ZCCHC7: variants seen among roughly 807,000 people sequenced by gnomAD.
The protein encoded by ZCCHC7 is zinc finger CCHC domain-containing protein 7.
A neutral mutation model predicts 52.0 loss-of-function variants in ZCCHC7; 35 were observed. The ratio of observed to expected loss-of-function variants is 0.67; its 90% CI spans 0.51 to 0.89. The LOEUF is 0.89. Ranked by LOEUF, ZCCHC7 falls within the 40% of genes least tolerant of loss-of-function variation. The pLI, the probability that ZCCHC7 is intolerant of heterozygous loss-of-function variation, is 0.00. For synonymous variants in ZCCHC7, 217 were observed against 221.5 expected (o/e 0.98, Z 0.18); for missense variants, 574 against 649.1 (o/e 0.88, Z 1.26).
At chr9:37,127,516 C>T (rs1346827209) in intron 2 of ZCCHC7, among the ~76,000 whole-genome samples, 1 of 152,174 alleles carries the variant, frequency 6.6e-6, no homozygotes, top group African/African-American at 2.4e-5. Context: ...TTGATAGCTA[C>T]ATCATCAAGG....
chr9:37,331,903 A>G (rs1272014748), intron 6 of ZCCHC7, among the ~76,000 whole-genome samples: 2 of 151,550 alleles, frequency 1.3e-5, no homozygotes, highest in East Asian at 1.9e-4. Flanking sequence ...AACTGGTTAC[A>G]TACTGTCTTG....
chr9:37,325,894 T>C (rs948872489), intron 5 of ZCCHC7: 16 of 152,200 alleles, frequency 1.1e-4, no homozygotes, highest in African/African-American at 3.6e-4. Context: ...ATCATCTTCA[T>C]GTACAGAGCA....
chr9:37,279,298 A>G (rs1046730270), intron 2 of ZCCHC7, among the ~76,000 whole-genome samples: 2 of 152,140 alleles, frequency 1.3e-5, no homozygotes, highest in African/African-American at 4.8e-5. Flanking sequence ...GCAGGTAAAT[A>G]GAATCATTTG....
chr9:37,186,637 AT>A, intron 2 of ZCCHC7: 2 of 507,522 alleles, frequency 3.9e-6, no homozygotes. Flanking sequence ...GCTGAGTATC[AT>A]GTACTTTCCT....
intron 2 of ZCCHC7, among the ~76,000 whole-genome samples, chr9:37,132,106 C>T (rs1842810568): frequency 6.6e-6 from 1 of 151,868 alleles, no homozygotes; most frequent in Non-Finnish European, 1.5e-5. Flanking sequence ...TTAATTATCC[C>T]CAGCAGGAGT....
intron 2 of ZCCHC7, among the ~76,000 whole-genome samples, chr9:37,149,153 G>A (rs951090500): frequency 1.3e-5 from 2 of 152,068 alleles, no homozygotes; most frequent in Non-Finnish European, 1.5e-5. Flanking sequence ...TTATAGTTTT[G>A]TAATAGCTTA....
intron 2 of ZCCHC7, among the ~76,000 whole-genome samples, chr9:37,191,017 C>A (rs1324728138): frequency 6.8e-6 from 1 of 147,202 alleles, no homozygotes; most frequent in African/African-American, 2.6e-5. Flanking sequence ...AGCAAAACTC[C>A]GTCTCAAAAA....
In ZCCHC7 at chr9:37,262,676, A is replaced by G. The variant is rs371476118; in HGVS notation, c.611-39512A>G. On this transcript the variant is annotated intron_variant, in intron 2 of 8. Transcript: ENST00000336755. ...ATCATACATTTTGCCAAATAAATGG[A>G]TGTTTTAATCATCTTTGATCTTAAC... is the stretch of plus-strand genomic sequence containing the variant. 2.6e-5 allele frequency among the ~76,000 whole-genome samples: 4 copies of G among 152,322 alleles called. No individual in the cohort carries two copies. In the East Asian group the frequency reaches 7.7e-4, roughly 29 times the overall value.
intron 2 of ZCCHC7, among the ~76,000 whole-genome samples, chr9:37,164,518 ACT>A (rs1258311288): frequency 6.6e-6 from 1 of 151,578 alleles, no homozygotes; most frequent in South Asian, 2.1e-4. Flanking sequence ...AGATAGATAG[ACT>A]CTGTCTCAGA....
At chr9:37,209,937 G>GT (rs920708674) in intron 2 of ZCCHC7, among the ~76,000 whole-genome samples, 47 of 151,466 alleles carry the variant, frequency 3.1e-4, no homozygotes, top group Non-Finnish European at 5.8e-4. Context: ...ACCAAGGACA[G>GT]TTTTTTTTTC....
intron 2 of ZCCHC7, among the ~76,000 whole-genome samples, chr9:37,164,336 T>C (rs915826839): frequency 6.6e-6 from 1 of 152,024 alleles, no homozygotes; most frequent in Admixed American, 6.6e-5. Context: ...TCCCAGCTCC[T>C]TGGGAGGCTG....
intron 2 of ZCCHC7, among the ~76,000 whole-genome samples, chr9:37,145,602 G>T (rs76558813): frequency 0.051 from 7,709 of 151,920 alleles, 643 homozygotes; most frequent in African/African-American, 0.17. Context: ...AAAGGAGGCA[G>T]CCTAAAAGTT....
At chr9:37,187,177 C>G (rs1251317659) in intron 2 of ZCCHC7, 1 of 152,264 alleles carries the variant, frequency 6.6e-6, no homozygotes, top group South Asian at 2.1e-4. Context: ...TTCTAAAGGG[C>G]AAATAATACA....
intron 5 of ZCCHC7, chr9:37,326,981 A>G (rs1830269384): frequency 6.6e-6 from 1 of 152,158 alleles, no homozygotes; most frequent in Admixed American, 6.6e-5. Context: ...AAACTGATCA[A>G]CTATACATAA....
At chr9:37,285,290 A>C (rs968646628) in intron 2 of ZCCHC7, among the ~76,000 whole-genome samples, 1 of 152,208 alleles carries the variant, frequency 6.6e-6, no homozygotes, top group Non-Finnish European at 1.5e-5. Flanking sequence ...TGTTTAATAC[A>C]TAATTACTCA....
chr9:37,304,056 A>G (rs1418579234), intron 3 of ZCCHC7, 132 bp from the exon 4 acceptor site: 2 of 815,446 alleles, frequency 2.5e-6, no homozygotes, highest in Admixed American at 2.9e-5. Context: ...CTCTTGCTTT[A>G]TCAAGGTAAT....
At chr9:37,251,641 G>A (rs1430914006) in intron 2 of ZCCHC7, among the ~76,000 whole-genome samples, 1 of 152,174 alleles carries the variant, frequency 6.6e-6, no homozygotes, top group Non-Finnish European at 1.5e-5. Flanking sequence ...TATTTAATCA[G>A]GGTCAGAGAG....
chr9:37,133,879 G>A (rs1164876946), intron 2 of ZCCHC7, among the ~76,000 whole-genome samples: 1 of 152,084 alleles, frequency 6.6e-6, no homozygotes, highest in African/African-American at 2.4e-5. Context: ...GTGAGCCACC[G>A]TGCCTGGCCA....
intron 2 of ZCCHC7, among the ~76,000 whole-genome samples, chr9:37,246,575 G>A (rs1826090064): frequency 6.6e-6 from 1 of 152,020 alleles, no homozygotes; most frequent in Admixed American, 6.6e-5. Flanking sequence ...GTAAACTCTG[G>A]GCCAGTGTGG....
Sources: allele counts gnomAD v4.1 joint callset (sites outside exome capture counted in the v4.1 genomes callset), GRCh38; gene constraint gnomAD v4.1.1; transcripts MANE v1.5; gene names NCBI Gene and HGNC (gene_info 2026-07-23, HGNC 2026-07-21).